The following FSTL5 variants were observed in gnomAD, a reference collection of about 807,000 sequenced individuals.
FSTL5 encodes the protein follistatin like 5.
A neutral mutation model predicts 89.1 loss-of-function variants in FSTL5; 62 were observed. The observed-to-expected ratio is 0.70, with a 90% CI of 0.57 to 0.86. The LOEUF is 0.86. FSTL5 is among the 40% of genes least tolerant of loss of function. The pLI, the probability that FSTL5 is intolerant of heterozygous loss-of-function variation, is 0.00. For missense variants in FSTL5, 1,057 were observed against 1,001.6 expected, an observed-to-expected ratio of 1.06 and a Z score of -0.75; for synonymous variants, 383 against 346.2, an observed-to-expected ratio of 1.11 and a Z score of -1.18.
In FSTL5 at chr4:161,438,677, T is replaced by A. The variant is rs183542319; in HGVS notation, c.1841+16327A>T. ...TATAATTGAATTGAACTAAACTATA[T>A]CAATACTGTACAAGGATTCAAAATT... On this transcript the variant is annotated intron_variant, in intron 15 of 15. Coordinates refer to ENST00000306100, the MANE Select transcript of FSTL5 (RefSeq NM_020116.5). Among the ~76,000 whole-genome samples, 9 of 152,256 alleles carry A rather than the reference T, an allele frequency of 5.9e-5. No homozygotes were observed. The East Asian group carries it at 1.4e-3, about 23-fold the overall frequency.
chr4:161,449,079 A>C (rs1368171113), intron 15 of FSTL5, among the ~76,000 whole-genome samples: 1 of 152,148 alleles, frequency 6.6e-6, no homozygotes, highest in Non-Finnish European at 1.5e-5. Flanking sequence ...AGCTGTGGGA[A>C]CTGGCATTTT....
At chr4:161,656,563 T>A in intron 6 of FSTL5, 69 bp from the exon 7 acceptor site, 1 of 916,132 alleles carries the variant, frequency 1.1e-6, no homozygotes, top group Non-Finnish European at 1.5e-6. Flanking sequence ...ATAAAATTTC[T>A]GAATACTAGT....
chr4:161,896,205 C>T (rs1347127916), intron 4 of FSTL5, among the ~76,000 whole-genome samples: 3 of 152,092 alleles, frequency 2.0e-5, no homozygotes, highest in Non-Finnish European at 4.4e-5. Context: ...CATTGTTTTG[C>T]TATCTGAAAT....
chr4:161,759,073 G>A (rs1740683425), intron 6 of FSTL5, among the ~76,000 whole-genome samples: 1 of 152,142 alleles, frequency 6.6e-6, no homozygotes, highest in African/African-American at 2.4e-5. Context: ...ATTTGAGTGT[G>A]TAAATAATTG....
rs74493680 is a variant in FSTL5, at chr4:161,768,416, T to C, written c.606+7462A>G. On this transcript the variant is annotated intron_variant, in intron 5 of 15. Coordinates refer to ENST00000306100, the MANE Select transcript of FSTL5 (RefSeq NM_020116.5). ...GATCTAAAATACAATCACACTGTTT[T>C]GCATAATAAGGAATTTGGAGCCCCA... is the stretch of plus-strand genomic sequence containing the variant. 4.9e-3 allele frequency among the ~76,000 whole-genome samples: 749 copies of C among 152,146 alleles called. 5 individuals carry two copies. The highest frequency in any genetic ancestry group is 0.017 in the African/African-American group (714 of 41,564).
intron 8 of FSTL5, among the ~76,000 whole-genome samples, chr4:161,547,011 C>T (rs1732030120): frequency 6.6e-6 from 1 of 151,936 alleles, no homozygotes. Flanking sequence ...AAAGGTATTG[C>T]AATATTTTCA....
chr4:161,565,407 A>T (rs1732761905), intron 8 of FSTL5, among the ~76,000 whole-genome samples: 1 of 151,928 alleles, frequency 6.6e-6, no homozygotes, highest in South Asian at 2.1e-4. Flanking sequence ...TGAAATAAAT[A>T]CATATATATG....
intron 4 of FSTL5, among the ~76,000 whole-genome samples, chr4:161,910,019 A>C (rs546656227): frequency 6.6e-6 from 1 of 152,214 alleles, no homozygotes; most frequent in African/African-American, 2.4e-5. Context: ...TCATTTCCTT[A>C]GTTCTTATTT....
intron 4 of FSTL5, among the ~76,000 whole-genome samples, chr4:161,915,519 A>G (rs1263402561): frequency 6.6e-6 from 1 of 152,152 alleles, no homozygotes; most frequent in Non-Finnish European, 1.5e-5. Flanking sequence ...CTATGTATTT[A>G]TAAATGGCAG....
intron 2 of FSTL5, among the ~76,000 whole-genome samples, chr4:162,069,921 A>G (rs1729536006): frequency 6.6e-6 from 1 of 151,928 alleles, no homozygotes; most frequent in South Asian, 2.1e-4. Flanking sequence ...AGGATTGATG[A>G]ATCATATCAT....
chr4:161,981,297 T>G (rs1461438112), intron 3 of FSTL5, among the ~76,000 whole-genome samples: 1 of 152,142 alleles, frequency 6.6e-6, no homozygotes, highest in Non-Finnish European at 1.5e-5. Flanking sequence ...CTACCAGAAG[T>G]TAGATCCATT....
chr4:161,815,249 GATACT>G (rs1341737108), intron 4 of FSTL5, among the ~76,000 whole-genome samples: 3 of 151,790 alleles, frequency 2.0e-5, no homozygotes, highest in African/African-American at 7.3e-5. Context: ...ATAAACACTG[GATACT>G]ATAAATAGAA....
At chr4:161,586,739 C>T (rs1311407028) in intron 8 of FSTL5, among the ~76,000 whole-genome samples, 1 of 152,100 alleles carries the variant, frequency 6.6e-6, no homozygotes. Flanking sequence ...GTGATCTGCC[C>T]CAAGGCTACC....
chr4:161,837,636 T>G (rs1731088028), intron 4 of FSTL5, among the ~76,000 whole-genome samples: 1 of 152,124 alleles, frequency 6.6e-6, no homozygotes. Context: ...ATCTATGAGG[T>G]GTCTTCTATC....
intron 7 of FSTL5, among the ~76,000 whole-genome samples, chr4:161,647,056 T>G (rs930286752): frequency 1.3e-4 from 20 of 152,346 alleles, no homozygotes; most frequent in Admixed American, 5.9e-4. Context: ...TTTGGTGTCA[T>G]ATTCAAGAAA....
rs375309884 is a variant in FSTL5 at position 161,455,029 on chromosome 4, T to G, written c.1816A>C (p.Thr606Pro). 9.3e-6 allele frequency: 15 copies of G among 1,613,570 alleles called. No homozygotes were observed. The highest frequency in any genetic ancestry group is 1.3e-5 in the Non-Finnish European group (15 of 1,179,800). The change falls in exon 15 of 16, where the codon ACA becomes CCA. Residue 606 changes from threonine (T) to proline (P), a missense_variant. Coordinates refer to ENST00000306100, the MANE Select transcript of FSTL5 (RefSeq NM_020116.5). ...DRVDDFFIPT[T>P]TLIITHMRFG... ...CTCATATGGGTGATAATGAGTGTTG[T>G]GGTGGGAATGAAAAAATCATCCACT...
intron 7 of FSTL5, among the ~76,000 whole-genome samples, chr4:161,588,514 T>C (rs1329286245): frequency 6.6e-6 from 1 of 152,002 alleles, no homozygotes; most frequent in Non-Finnish European, 1.5e-5. Flanking sequence ...GAAAAAAACT[T>C]GCACCGTTAA....
intron 4 of FSTL5, among the ~76,000 whole-genome samples, chr4:161,792,473 G>A (rs1298545986): frequency 6.6e-6 from 1 of 152,162 alleles, no homozygotes; most frequent in Non-Finnish European, 1.5e-5. Flanking sequence ...TGAAGCCTGG[G>A]GACTGGGATG....
Position 161,860,254 on chromosome 4 carries a change from C to G in FSTL5, c.409+60150G>C, listed in dbSNP as rs536108118. The stretch of plus-strand genomic sequence containing the variant: ...AGTGAGAGGAGATCGCGCCACTGCA[C>G]TCCAGCCTAGGCGACAGAGCGAGAC... On this transcript the variant is annotated intron_variant, in intron 4 of 15. Transcript: ENST00000306100. Among the ~76,000 whole-genome samples the G allele has an allele frequency of 1.5e-4, 23 of 151,894 alleles. 1 individual carries two copies. In the South Asian group the frequency reaches 4.0e-3, roughly 26 times the overall value.
Sources: gnomAD v4.1 joint callset for allele counts (sites outside exome capture counted in the v4.1 genomes callset) on GRCh38, gnomAD v4.1.1 for gene constraint, MANE v1.5 for transcripts, NCBI Gene and HGNC (gene_info 2026-07-23, HGNC 2026-07-21) for gene names.